Variants in MAGI2 observed in about 807,000 individuals in gnomAD.
The protein encoded by MAGI2 is membrane associated guanylate kinase, WW and PDZ domain containing 2.
A neutral mutation model predicts 133.3 loss-of-function variants in MAGI2; 35 were observed. The observed-to-expected ratio is 0.26, with a 90% CI of 0.20 to 0.35. The LOEUF (loss-of-function observed/expected upper bound fraction) is 0.35. Among genes scored for constraint, MAGI2 ranks in the 10% least tolerant of loss-of-function variants. The pLI is 1.00. For synonymous variants in MAGI2, 729 were observed against 710.6 expected, an observed-to-expected ratio of 1.03 and a Z score of -0.41; for missense variants, 1,636 against 1,863.4, an observed-to-expected ratio of 0.88 and a Z score of 2.25.
chr7:78,732,839 T>C (rs1314358086), intron 2 of MAGI2, among the ~76,000 whole-genome samples: 1 of 152,116 alleles, frequency 6.6e-6, no homozygotes, highest in Non-Finnish European at 1.5e-5. Flanking sequence ...GGGTGTAAAG[T>C]AACAACACCT....
chr7:78,563,943 C>T (rs751557516), intron 3 of MAGI2, among the ~76,000 whole-genome samples: 2 of 151,956 alleles, frequency 1.3e-5, no homozygotes, highest in South Asian at 2.1e-4. Context: ...TAATTTGAGG[C>T]CTAAATTAAA....
intron 2 of MAGI2, among the ~76,000 whole-genome samples, chr7:78,706,786 T>C (rs1585146984): frequency 2.0e-5 from 3 of 152,206 alleles, no homozygotes; most frequent in Middle Eastern, 3.4e-3. Context: ...AAACAATGCA[T>C]AGGACTGTTT....
intron 1 of MAGI2, chr7:79,413,805 T>G (rs1017371764): frequency 6.6e-6 from 1 of 152,186 alleles, no homozygotes; most frequent in Non-Finnish European, 1.5e-5. Context: ...ATTTTCTCCA[T>G]GTTGAAACAC....
intron 2 of MAGI2, among the ~76,000 whole-genome samples, chr7:78,636,072 A>T (rs1809608920): frequency 6.6e-6 from 1 of 152,206 alleles, no homozygotes; most frequent in South Asian, 2.1e-4. Flanking sequence ...GAGGTAAAAA[A>T]ATTAAAACCT....
intron 2 of MAGI2, among the ~76,000 whole-genome samples, chr7:78,881,690 C>T (rs1563618240): frequency 6.6e-6 from 1 of 151,954 alleles, no homozygotes; most frequent in African/African-American, 2.4e-5. Context: ...ACAACTTTCT[C>T]CCAAATGACT....
chr7:78,556,173 G>A (rs1426989785), intron 3 of MAGI2, among the ~76,000 whole-genome samples: 1 of 152,154 alleles, frequency 6.6e-6, no homozygotes, highest in African/African-American at 2.4e-5. Flanking sequence ...AGGCACAGAA[G>A]ATAATAATCT....
At chr7:79,169,134 T>C (rs1825272509) in intron 1 of MAGI2, among the ~76,000 whole-genome samples, 1 of 151,960 alleles carries the variant, frequency 6.6e-6, no homozygotes, top group African/African-American at 2.4e-5. Flanking sequence ...ATGTTTATAT[T>C]TCCCCTTATA....
intron 6 of MAGI2, among the ~76,000 whole-genome samples, chr7:78,446,778 A>G (rs987071537): frequency 3.3e-5 from 5 of 152,108 alleles, no homozygotes; most frequent in Admixed American, 3.3e-4. Context: ...TTGCTCTTCA[A>G]ATGAAGCTTC....
chr7:78,869,592 A>G (rs1328033799), intron 2 of MAGI2, among the ~76,000 whole-genome samples: 1 of 152,220 alleles, frequency 6.6e-6, no homozygotes, highest in Admixed American at 6.5e-5. Flanking sequence ...GGGAGGCCTC[A>G]GGAAATTGAC....
intron 1 of MAGI2, among the ~76,000 whole-genome samples, chr7:79,205,721 A>G (rs1828990910): frequency 1.3e-5 from 2 of 151,444 alleles, no homozygotes; most frequent in Non-Finnish European, 2.9e-5. Flanking sequence ...AAAAATTCAA[A>G]ATTTGGTGGC....
At chr7:78,241,440 C>T (rs913304085) in intron 10 of MAGI2, among the ~76,000 whole-genome samples, 2 of 152,032 alleles carry the variant, frequency 1.3e-5, no homozygotes, top group Admixed American at 6.5e-5. Context: ...GATGGGGTAT[C>T]TTGTCATTGA....
chr7:78,194,635 T>A (rs1381147714), intron 12 of MAGI2, among the ~76,000 whole-genome samples: 1 of 152,164 alleles, frequency 6.6e-6, no homozygotes, highest in Non-Finnish European at 1.5e-5. Flanking sequence ...TATTCCCGAT[T>A]TTCTTCAGGA....
chr7:79,099,664 T>C (rs1817802401), intron 1 of MAGI2, among the ~76,000 whole-genome samples: 2 of 152,060 alleles, frequency 1.3e-5, no homozygotes, highest in Admixed American at 6.6e-5. Context: ...TGTCTATTTT[T>C]CCCCTCTTTT....
At chr7:79,411,422 GACA>G (rs1846133444) in intron 1 of MAGI2, 2 of 151,866 alleles carry the variant, frequency 1.3e-5, no homozygotes, top group Non-Finnish European at 2.9e-5. Flanking sequence ...TGAAAACAAC[GACA>G]ACAATAAAAA....
intron 3 of MAGI2, among the ~76,000 whole-genome samples, chr7:78,560,224 A>G (rs954361318): frequency 1.2e-4 from 18 of 152,232 alleles, no homozygotes; most frequent in African/African-American, 3.6e-4. Context: ...AAACAGATTT[A>G]GATGGGGTTA....
intron 11 of MAGI2, among the ~76,000 whole-genome samples, chr7:78,198,602 T>G (rs1828953448): frequency 6.6e-6 from 1 of 152,156 alleles, no homozygotes; most frequent in East Asian, 1.9e-4. Context: ...CAGCTAGTTT[T>G]TGTATTTTTA....
chr7:78,329,635 C>T (rs1788966986), intron 9 of MAGI2, among the ~76,000 whole-genome samples: 1 of 152,152 alleles, frequency 6.6e-6, no homozygotes, highest in South Asian at 2.1e-4. Context: ...ACTATCTTAC[C>T]CTCCTCAGAC....
intron 10 of MAGI2, among the ~76,000 whole-genome samples, chr7:78,206,875 A>C (rs1394479928): frequency 6.6e-6 from 1 of 152,228 alleles, no homozygotes; most frequent in Non-Finnish European, 1.5e-5. Flanking sequence ...AGTAGGAACG[A>C]CTTTTAAACA....
At chr7:78,501,485 T>TC (rs1794618170) in intron 5 of MAGI2, 92 bp downstream of exon 5, 4 of 346,606 alleles carry the variant, frequency 1.2e-5, no homozygotes, top group Non-Finnish European at 7.8e-6. Flanking sequence ...TGTTTTTTTC[T>TC]TTTTTTTTTT....
Sources: gnomAD v4.1 joint callset for allele counts (sites outside exome capture counted in the v4.1 genomes callset) on GRCh38, gnomAD v4.1.1 for gene constraint, MANE v1.5 for transcripts, NCBI Gene and HGNC (gene_info 2026-07-23, HGNC 2026-07-21) for gene names.